HEG1: variants seen among roughly 807,000 people sequenced by gnomAD.
HEG1 encodes heart development protein with EGF like domains 1.
HEG1 carries 56 observed loss-of-function variants against 125.6 expected under a neutral mutation model. That is an observed-to-expected ratio of 0.45 (90% CI 0.36 to 0.56). HEG1 has a LOEUF of 0.56. Ranked by LOEUF, HEG1 falls within the 20% of genes least tolerant of loss-of-function variation. The probability of loss-of-function intolerance (pLI) is 0.00; values close to 1 mark genes in which losing one functional copy is unlikely to be tolerated. For missense variants in HEG1, 1,523 were observed against 1,670.0 expected, an observed-to-expected ratio of 0.91 and a Z score of 1.53; for synonymous variants, 644 against 668.5, an observed-to-expected ratio of 0.96 and a Z score of 0.57.
In HEG1 at chr3:125,013,654, A is replaced by G; in HGVS notation, c.1925T>C (p.Met642Thr). 6.2e-7 allele frequency: 1 copy of G among 1,613,184 alleles called. No individual in the cohort carries two copies. Among genetic ancestry groups the G allele is most frequent in the Non-Finnish European group, 8.5e-7 (1 of 1,179,494 alleles). ...NLPSYTPTIN[M>T]PNTSVVLDTD... ...GTCCAGAACAACCGAAGTGTTCGGC[A>G]TATTAATGGTGGGTGTGTAGGACGG... is the stretch of plus-strand genomic sequence containing the variant. The change falls in exon 6 of 17, where the codon ATG becomes ACG. Residue 642 changes from methionine (M) to threonine (T), a missense_variant. By Grantham distance (81) the Met-to-Thr change is moderately conservative. Transcript: ENST00000311127.
At chr3:125,042,142 A>C (rs191583567) in intron 1 of HEG1, among the ~76,000 whole-genome samples, 213 of 152,366 alleles carry the variant, frequency 1.4e-3, no homozygotes, top group African/African-American at 5.0e-3. Flanking sequence ...GTATGTATTT[A>C]CTAGGCCAAA....
chr3:125,044,058 T>C (rs922565410), intron 1 of HEG1, among the ~76,000 whole-genome samples: 4 of 152,198 alleles, frequency 2.6e-5, no homozygotes, highest in East Asian at 1.9e-4. Flanking sequence ...GAGGAAATCA[T>C]AGAAACATCA....
intron 14 of HEG1, among the ~76,000 whole-genome samples, chr3:124,982,860 C>A (rs900176548): frequency 6.6e-6 from 1 of 152,168 alleles, no homozygotes. Flanking sequence ...TTAGTTACTT[C>A]CCAGGAATTT....
intron 11 of HEG1, among the ~76,000 whole-genome samples, chr3:125,001,246 T>G (rs1222269410): frequency 6.6e-6 from 1 of 152,152 alleles, no homozygotes; most frequent in Non-Finnish European, 1.5e-5. Context: ...TTTTTTTTTT[T>G]TAACCTAATA....
chr3:125,051,416 G>A (rs1295345436), intron 1 of HEG1, among the ~76,000 whole-genome samples: 1 of 152,188 alleles, frequency 6.6e-6, no homozygotes, highest in Non-Finnish European at 1.5e-5. Flanking sequence ...TGAGAAAACT[G>A]AGACCTCCTG....
intron 1 of HEG1, among the ~76,000 whole-genome samples, chr3:125,042,931 T>A (rs1190179763): frequency 6.6e-6 from 1 of 152,164 alleles, no homozygotes; most frequent in Non-Finnish European, 1.5e-5. Context: ...ATGTAATGAT[T>A]TTGGGTGGAG....
chr3:125,035,614 T>C (rs1349615131), intron 1 of HEG1, among the ~76,000 whole-genome samples: 1 of 151,756 alleles, frequency 6.6e-6, no homozygotes, highest in Non-Finnish European at 1.5e-5. Context: ...CAAAATTGAG[T>C]TTTTCAACCA....
chr3:125,053,887 A>T (rs1275848504), intron 1 of HEG1, among the ~76,000 whole-genome samples: 1 of 152,076 alleles, frequency 6.6e-6, no homozygotes, highest in African/African-American at 2.4e-5. Context: ...CTCTCTAGAG[A>T]TCCCGCCCCT....
rs536775728 is a variant in HEG1 at position 124,969,141 on chromosome 3, A to G, written c.*1511T>C. ...ACCATTTCCAGAAATGTGAAGCGGGACTCCCCGCTTCAGGGTGGAGACAAT... is the reference window on the plus strand; with the variant it reads ...ACCATTTCCAGAAATGTGAAGCGGGGCTCCCCGCTTCAGGGTGGAGACAAT... On this transcript the variant is annotated 3_prime_UTR_variant, in exon 17 of 17. Coordinates refer to ENST00000311127, the MANE Select transcript of HEG1 (RefSeq NM_020733.2). The G allele has an allele frequency of 1.3e-5, 2 of 152,078 alleles. No individual in the cohort carries two copies. The highest frequency in any genetic ancestry group is 3.9e-4 in the East Asian group (2 of 5,172). The allele number at this position is 152,078 out of a possible 1,614,324, so 9.4% of individuals were successfully genotyped here. A position where few individuals can be genotyped will look rare whatever the true frequency, so the allele number is the denominator to read the frequency against.
At chr3:125,035,540 C>T (rs565652753) in intron 1 of HEG1, among the ~76,000 whole-genome samples, 4 of 152,198 alleles carry the variant, frequency 2.6e-5, no homozygotes, top group Non-Finnish European at 4.4e-5. Context: ...AAACTATAAT[C>T]GTATATTCGG....
chr3:124,977,959 C>G lies in HEG1; in HGVS notation c.3734-13G>C. On this transcript the variant is annotated splice_polypyrimidine_tract_variant and intron_variant, in intron 14 of 16. Coordinates refer to ENST00000311127, the MANE Select transcript of HEG1 (RefSeq NM_020733.2). ...ATAAGCTGATAGGCTAAACGTAAAA[C>G]AAACAAAAAAGCATATTGGCTGGAG... is the stretch of plus-strand genomic sequence containing the variant. The G allele has an allele frequency of 6.5e-7, 1 of 1,543,992 alleles. No homozygotes were observed. Among genetic ancestry groups the G allele is most frequent in the Non-Finnish European group, 8.7e-7 (1 of 1,144,380 alleles).
At chr3:125,050,588 A>C (rs1937782827) in intron 1 of HEG1, among the ~76,000 whole-genome samples, 1 of 152,040 alleles carries the variant, frequency 6.6e-6, no homozygotes, top group African/African-American at 2.4e-5. Context: ...CACCCTCACC[A>C]TTCCTTTGGT....
intron 3 of HEG1, among the ~76,000 whole-genome samples, chr3:125,026,410 G>T (rs2107706213): frequency 6.6e-6 from 1 of 152,284 alleles, no homozygotes; most frequent in South Asian, 2.1e-4. Context: ...GGACCAGATG[G>T]TTGAAGAAAG....
intron 14 of HEG1, 27 bp from the exon 15 acceptor site, chr3:124,977,973 T>A: frequency 6.6e-7 from 1 of 1,506,578 alleles, no homozygotes; most frequent in Non-Finnish European, 9.0e-7. Context: ...CAAAAAAGCA[T>A]ATTGGCTGGA....
At chr3:124,978,247 A>C (rs1936581533) in intron 14 of HEG1, among the ~76,000 whole-genome samples, 1 of 152,200 alleles carries the variant, frequency 6.6e-6, no homozygotes, top group Non-Finnish European at 1.5e-5. Flanking sequence ...TCCTGGGTTC[A>C]AGCGATTCTC....
In HEG1 at chr3:124,967,194, A is replaced by G. The variant is rs1412041141; in HGVS notation, c.*3458T>C. 3 of 152,202 alleles carry G rather than the reference A, an allele frequency of 2.0e-5. No individual in the cohort carries two copies. The highest frequency in any genetic ancestry group is 4.4e-5 in the Non-Finnish European group (3 of 68,040). The allele number at this position is 152,202 out of a possible 1,614,324, so 9.4% of individuals were successfully genotyped here. ...TCCACTGAATATGTTCCCAATTCTG[A>G]AAACAGTTCACAAAAATATGCTTCC... On this transcript the variant is annotated 3_prime_UTR_variant, in exon 17 of 17. Coordinates refer to ENST00000311127, the MANE Select transcript of HEG1 (RefSeq NM_020733.2).
At chr3:124,999,281 A>G (rs917532762) in intron 11 of HEG1, among the ~76,000 whole-genome samples, 1 of 152,234 alleles carries the variant, frequency 6.6e-6, no homozygotes, top group Non-Finnish European at 1.5e-5. Context: ...TTTATTGTAA[A>G]AAGTTTGTAT....
At chr3:125,050,142 C>CTT (rs35715939) in intron 1 of HEG1, among the ~76,000 whole-genome samples, 27 of 113,536 alleles carry the variant, frequency 2.4e-4, no homozygotes, top group African/African-American at 3.2e-4. Flanking sequence ...CACCAACTCT[C>CTT]TTTTTTTTTT....
chr3:125,045,987 G>A (rs915278784), intron 1 of HEG1, among the ~76,000 whole-genome samples: 2 of 152,136 alleles, frequency 1.3e-5, no homozygotes, highest in African/African-American at 4.8e-5. Context: ...AATTATATTT[G>A]CTCCTCCTCA....
Sources: gnomAD v4.1 joint callset for allele counts (sites outside exome capture counted in the v4.1 genomes callset) on GRCh38, gnomAD v4.1.1 for gene constraint, MANE v1.5 for transcripts, NCBI Gene and HGNC (gene_info 2026-07-23, HGNC 2026-07-21) for gene names.